Variants in OPCML observed in about 807,000 individuals in gnomAD.
OPCML encodes opioid-binding protein/cell adhesion molecule.
In OPCML, 13 loss-of-function variants were observed where a neutral mutation model predicts 37.8. The ratio of observed to expected loss-of-function variants is 0.34; its 90% CI spans 0.22 to 0.55. The LOEUF is 0.55. Ranked by LOEUF, OPCML falls within the 20% of genes least tolerant of loss-of-function variation. OPCML has a pLI of 0.91. For synonymous variants in OPCML, 176 were observed against 168.8 expected, an observed-to-expected ratio of 1.04 and a Z score of -0.33; for missense variants, 341 against 435.6, an observed-to-expected ratio of 0.78 and a Z score of 1.93.
intron 2 of OPCML, among the ~76,000 whole-genome samples, chr11:132,723,732 T>A (rs1278561057): frequency 6.6e-6 from 1 of 152,256 alleles, no homozygotes; most frequent in Non-Finnish European, 1.5e-5. Context: ...TGTTGTTAAC[T>A]GCAGGCATGT....
intron 1 of OPCML, among the ~76,000 whole-genome samples, chr11:132,993,872 T>C (rs2136825109): frequency 6.6e-6 from 1 of 152,128 alleles, no homozygotes; most frequent in East Asian, 1.9e-4. Flanking sequence ...CATTTTGAAA[T>C]CCTTTCTACC....
At chr11:133,436,001 C>T (rs1345745856) in intron 1 of OPCML, among the ~76,000 whole-genome samples, 1 of 152,150 alleles carries the variant, frequency 6.6e-6, no homozygotes, top group Non-Finnish European at 1.5e-5. Context: ...TTCCAAAATA[C>T]ACATGTGCAT....
chr11:133,162,093 C>A (rs1950150727), intron 1 of OPCML, among the ~76,000 whole-genome samples: 1 of 134,918 alleles, frequency 7.4e-6, no homozygotes, highest in Non-Finnish European at 1.5e-5. Flanking sequence ...TCTTTTTCTT[C>A]CAATTTGAAC....
chr11:132,558,610 C>G (rs2096403572), intron 3 of OPCML, among the ~76,000 whole-genome samples: 1 of 148,390 alleles, frequency 6.7e-6, no homozygotes, highest in Admixed American at 6.8e-5. Flanking sequence ...AATACAAGTT[C>G]ATCTATATGA....
intron 2 of OPCML, among the ~76,000 whole-genome samples, chr11:132,937,563 T>TGG (rs1945423633): frequency 6.8e-6 from 1 of 146,750 alleles, no homozygotes; most frequent in African/African-American, 2.5e-5. Flanking sequence ...TGTGTGTGTG[T>TGG]CGTGTGTGTG....
intron 1 of OPCML, among the ~76,000 whole-genome samples, chr11:132,991,004 G>GCAGAT (rs1244850337): frequency 2.6e-5 from 4 of 152,292 alleles, no homozygotes; most frequent in African/African-American, 9.6e-5. Context: ...AGGAATCAGA[G>GCAGAT]CAGATAATGC....
At chr11:133,362,822 A>T (rs1162285450) in intron 1 of OPCML, among the ~76,000 whole-genome samples, 3 of 151,962 alleles carry the variant, frequency 2.0e-5, no homozygotes, top group Non-Finnish European at 4.4e-5. Flanking sequence ...TCCTAATCCC[A>T]CTACCTACCT....
intron 1 of OPCML, among the ~76,000 whole-genome samples, chr11:133,022,321 C>G (rs980532962): frequency 9.9e-5 from 15 of 152,134 alleles, no homozygotes; most frequent in African/African-American, 3.4e-4. Context: ...CCCACTCATG[C>G]CTTTCTTCTG....
chr11:132,672,042 A>G (rs190107303), intron 2 of OPCML, among the ~76,000 whole-genome samples: 45 of 152,196 alleles, frequency 3.0e-4, no homozygotes, highest in Middle Eastern at 3.4e-3. Context: ...ACACTTCCCT[A>G]TTTGGCACTC....
chr11:132,931,783 T>C (rs75333000), intron 2 of OPCML, among the ~76,000 whole-genome samples: 4,818 of 152,286 alleles, frequency 0.032, 274 homozygotes, highest in African/African-American at 0.11. Context: ...ACAATTACCA[T>C]GCAATCCAGA....
chr11:132,832,421 A>G (rs774737628), intron 2 of OPCML, among the ~76,000 whole-genome samples: 2 of 152,184 alleles, frequency 1.3e-5, no homozygotes, highest in Non-Finnish European at 2.9e-5. Context: ...CATTCCAACC[A>G]AAGAATAGAT....
intron 3 of OPCML, among the ~76,000 whole-genome samples, chr11:132,546,551 T>C (rs997825128): frequency 1.3e-5 from 2 of 152,200 alleles, no homozygotes; most frequent in African/African-American, 4.8e-5. Context: ...TTTTAGTAAA[T>C]CATCTTTCCA....
chr11:132,845,226 T>A (rs999562631), intron 2 of OPCML, among the ~76,000 whole-genome samples: 8 of 116,850 alleles, frequency 6.8e-5, no homozygotes, highest in Non-Finnish European at 1.1e-4. Context: ...TATTTGTGAT[T>A]TTTTTTTTCT....
In OPCML at chr11:132,565,446, C is replaced by T. The variant is rs543308881; in HGVS notation, c.380-36260G>A. On this transcript the variant is annotated intron_variant, in intron 3 of 7. Transcript: ENST00000524381. The stretch of plus-strand genomic sequence containing the variant: ...CGTTAGCTTTCACATGACTCCAGTG[C>T]ATGAATGGACCCACAGGGACCAGCA... Among the ~76,000 whole-genome samples the T allele has an allele frequency of 7.9e-5, 12 of 152,276 alleles. No homozygotes were observed. In the East Asian group the frequency reaches 2.1e-3, roughly 27 times the overall value.
intron 2 of OPCML, among the ~76,000 whole-genome samples, chr11:132,904,094 C>A (rs1944153071): frequency 6.6e-6 from 1 of 152,102 alleles, no homozygotes; most frequent in South Asian, 2.1e-4. Flanking sequence ...AAAGATTGGT[C>A]CTAAAGTGTG....
intron 1 of OPCML, chr11:133,422,552 G>A (rs1945914113): frequency 1.0e-6 from 1 of 959,790 alleles, no homozygotes; most frequent in African/African-American, 1.8e-5. Context: ...CCAGGCTGGA[G>A]TGCAGCGGTG....
At chr11:132,774,417 C>T (rs1424454723) in intron 2 of OPCML, among the ~76,000 whole-genome samples, 2 of 152,134 alleles carry the variant, frequency 1.3e-5, no homozygotes, top group Non-Finnish European at 2.9e-5. Flanking sequence ...GTACAGGCTC[C>T]GACCAATAAG....
intron 2 of OPCML, among the ~76,000 whole-genome samples, chr11:132,878,713 GTCTA>G (rs56069800): frequency 1.8e-4 from 27 of 151,544 alleles, no homozygotes; most frequent in South Asian, 4.2e-4. Flanking sequence ...GTGTCTATCT[GTCTA>G]TCTATCTATC....
At chr11:133,041,144 C>T (rs1408357246) in intron 1 of OPCML, among the ~76,000 whole-genome samples, 1 of 152,208 alleles carries the variant, frequency 6.6e-6, no homozygotes, top group Admixed American at 6.5e-5. Flanking sequence ...GTTACTTAGA[C>T]TTTCACCATT....
Sources: allele counts gnomAD v4.1 joint callset (sites outside exome capture counted in the v4.1 genomes callset), GRCh38; gene constraint gnomAD v4.1.1; transcripts MANE v1.5; gene names NCBI Gene and HGNC (gene_info 2026-07-23, HGNC 2026-07-21).